Variants in SUGP1 observed in about 807,000 individuals in gnomAD.
SUGP1 encodes SURP and G-patch domain containing 1.
Under a neutral mutation model 76.5 loss-of-function variants are expected in SUGP1, and 34 were observed. The observed-to-expected ratio is 0.44, with a 90% CI of 0.34 to 0.59. The LOEUF (loss-of-function observed/expected upper bound fraction) is 0.59. Ranked by LOEUF, SUGP1 falls within the 20% of genes least tolerant of loss-of-function variation. The pLI is 0.01. For missense variants in SUGP1, 752 were observed against 851.7 expected (o/e 0.88, Z 1.46); for synonymous variants, 326 against 326.2 (o/e 1.00, Z 0.01).
intron 3 of SUGP1, 68 bp downstream of exon 3, chr19:19,310,029 C>T: frequency 2.3e-6 from 3 of 1,299,332 alleles, no homozygotes; most frequent in African/African-American, 2.9e-5. Context: ...CCCATCACTT[C>T]CCATGTGCCC....
At chr19:19,286,358 G>A (rs1032650114) in intron 8 of SUGP1, among the ~76,000 whole-genome samples, 7 of 152,130 alleles carry the variant, frequency 4.6e-5, no homozygotes, top group East Asian at 1.9e-4. Flanking sequence ...TCAAAGCTAC[G>A]GAAGAGAACC....
chr19:19,281,785 G>A (rs1193251142), intron 8 of SUGP1, among the ~76,000 whole-genome samples: 1 of 152,188 alleles, frequency 6.6e-6, no homozygotes, highest in African/African-American at 2.4e-5. Flanking sequence ...GAGATAGTGG[G>A]TGTCAGTCAC....
In SUGP1 at chr19:19,297,190, G is replaced by C. The variant is rs762453182; in HGVS notation, c.1042C>G (p.Pro348Ala). 1.9e-6 allele frequency: 3 copies of C among 1,609,188 alleles called. No individual in the cohort carries two copies. In the African/African-American group the frequency reaches 4.0e-5, roughly 21 times the overall value. ...SPPEALSGSL[P>A]PATTCPASST... ...GAGGCGGGGCAGGTGGTGGCTGGGG[G>C]TAAGGACCCTGACAGGGCCTCAGGA... is the stretch of plus-strand genomic sequence containing the variant. The change falls in exon 8 of 14, where the codon CCC (proline) becomes GCC (alanine). Residue 348 changes from proline to alanine, a missense_variant. By Grantham distance (27) the Pro-to-Ala change is conservative. Around this residue, in one of 2 missense-constraint regions of SUGP1, gnomAD observed 620 missense variants for 617.3 expected, o/e 1.00. Transcript: ENST00000247001.
chr19:19,293,061 C>G (rs1254122346), intron 8 of SUGP1, among the ~76,000 whole-genome samples: 1 of 151,886 alleles, frequency 6.6e-6, no homozygotes, highest in Non-Finnish European at 1.5e-5. Context: ...CGTGTGCCAC[C>G]ACACCCAGCT....
At chr19:19,283,516 A>G (rs2146594851) in intron 8 of SUGP1, among the ~76,000 whole-genome samples, 1 of 150,724 alleles carries the variant, frequency 6.6e-6, no homozygotes, top group East Asian at 2.0e-4. Context: ...ATGCAGTGGT[A>G]CGACTTCGGC....
chr19:19,319,494 T>A (rs978463867), intron 1 of SUGP1, among the ~76,000 whole-genome samples: 1 of 151,542 alleles, frequency 6.6e-6, no homozygotes, highest in African/African-American at 2.4e-5. Context: ...CCCAGCACTT[T>A]AAGAGGCTGA....
intron 8 of SUGP1, among the ~76,000 whole-genome samples, chr19:19,293,352 G>A (rs1335432799): frequency 6.6e-6 from 1 of 152,004 alleles, no homozygotes; most frequent in Non-Finnish European, 1.5e-5. Context: ...GGGAGGCCAA[G>A]GCAGGCGGAT....
intron 7 of SUGP1, among the ~76,000 whole-genome samples, chr19:19,301,309 C>T (rs909406310): frequency 3.9e-5 from 6 of 152,186 alleles, no homozygotes; most frequent in African/African-American, 1.4e-4. Flanking sequence ...CCCCTCTCCC[C>T]GTCCCCATTC....
In SUGP1 at chr19:19,284,460, TAAAAAA is replaced by T. The variant is rs879445979; in HGVS notation, c.1244-4175_1244-4170del. ...ATGAATCCAGCATAAGGACCACTGT[TAAAAAA>T]AAAAAAAGAAGAAGAGAAATTCACG... is the stretch of plus-strand genomic sequence containing the variant. On this transcript the variant is annotated intron_variant, in intron 8 of 13. Transcript: ENST00000247001. 4.2e-5 allele frequency among the ~76,000 whole-genome samples: 6 copies of T among 144,370 alleles called. No individual in the cohort carries two copies. In the Admixed American group the frequency reaches 4.2e-4, roughly 10 times the overall value. The allele number at this position is 144,370 out of a possible 152,430, so 94.7% of individuals were successfully genotyped here.
chr19:19,280,118 C>A, intron 9 of SUGP1, 67 bp downstream of exon 9: 1 of 1,470,686 alleles, frequency 6.8e-7, no homozygotes, highest in Non-Finnish European at 9.4e-7. Context: ...CCGCTGCACC[C>A]GGGGGTAGAG....
chr19:19,280,558 G>C, intron 8 of SUGP1: 4 of 428,598 alleles, frequency 9.3e-6, no homozygotes, highest in Non-Finnish European at 1.7e-5. Flanking sequence ...CCAAGAATCA[G>C]AGGTTCCGGG....
At chr19:19,291,274 A>G (rs565988751) in intron 8 of SUGP1, among the ~76,000 whole-genome samples, 1 of 152,210 alleles carries the variant, frequency 6.6e-6, no homozygotes, top group Non-Finnish European at 1.5e-5. Flanking sequence ...TGAGGACTAT[A>G]AATACAATGG....
intron 7 of SUGP1, 136 bp downstream of exon 7, chr19:19,302,129 G>A: frequency 7.2e-7 from 1 of 1,383,948 alleles, no homozygotes; most frequent in Non-Finnish European, 9.9e-7. Context: ...GGGCTCTGGG[G>A]TCAGAGACTC....
chr19:19,305,704 G>A (rs1029901019), intron 4 of SUGP1, 145 bp downstream of exon 4: 4 of 751,362 alleles, frequency 5.3e-6, no homozygotes, highest in East Asian at 2.8e-5. Context: ...ACCTCAGAGG[G>A]CCTGAGGCTC....
chr19:19,296,106 C>A (rs1025581325), intron 8 of SUGP1, among the ~76,000 whole-genome samples: 2 of 150,802 alleles, frequency 1.3e-5, no homozygotes, highest in Admixed American at 6.6e-5. Flanking sequence ...CACTTGAGGA[C>A]AGAAGTTCAA....
intron 6 of SUGP1, among the ~76,000 whole-genome samples, chr19:19,302,907 C>T (rs1356873884): frequency 2.0e-5 from 3 of 152,168 alleles, no homozygotes; most frequent in Admixed American, 1.3e-4. Flanking sequence ...TTCATCCCAT[C>T]AGAATTGCAC....
intron 8 of SUGP1, 76 bp downstream of exon 8, chr19:19,296,913 T>A (rs775967916): frequency 1.8e-4 from 219 of 1,243,444 alleles, no homozygotes; most frequent in Non-Finnish European, 2.9e-5. Flanking sequence ...ACACTGTGGA[T>A]GAACCTTGAA....
intron 8 of SUGP1, among the ~76,000 whole-genome samples, chr19:19,294,248 GTGCAATGGCTCA>G (rs2061207581): frequency 6.6e-6 from 1 of 151,582 alleles, no homozygotes; most frequent in South Asian, 2.1e-4. Flanking sequence ...AAAACCCTGG[GTGCAATGGCTCA>G]TGCCTATAAT....
At chr19:19,290,255 G>T (rs1599852095) in intron 8 of SUGP1, among the ~76,000 whole-genome samples, 1 of 152,148 alleles carries the variant, frequency 6.6e-6, no homozygotes, top group African/African-American at 2.4e-5. Flanking sequence ...AGGAGAGAGG[G>T]AAGGAGCAGA....
Sources: allele counts gnomAD v4.1 joint callset (sites outside exome capture counted in the v4.1 genomes callset), GRCh38; gene constraint gnomAD v4.1.1; regional missense constraint gnomAD v4.1.1; transcripts MANE v1.5; gene names NCBI Gene and HGNC (gene_info 2026-07-23, HGNC 2026-07-21).